Variants in TAS1R2 observed in about 807,000 individuals in gnomAD.
TAS1R2 encodes taste 1 receptor member 2, also known as taste receptor type 1 member 2.
Under a neutral mutation model 49.3 loss-of-function variants are expected in TAS1R2, and 47 were observed. The observed-to-expected ratio is 0.95, with a 90% CI of 0.75 to 1.22. TAS1R2 has a LOEUF of 1.22. Among genes scored for constraint, TAS1R2 ranks in the 50% most tolerant of loss-of-function variants. TAS1R2 has a pLI of 0.00. For synonymous variants in TAS1R2, 479 were observed against 467.9 expected, an observed-to-expected ratio of 1.02 and a Z score of -0.31; for missense variants, 1,155 against 1,122.1, an observed-to-expected ratio of 1.03 and a Z score of -0.42.
chr1:18,853,905 AC>A (rs893171734), intron 3 of TAS1R2, among the ~76,000 whole-genome samples: 1 of 152,186 alleles, frequency 6.6e-6, no homozygotes. Context: ...TAGAGGGTCC[AC>A]GCGAAAACAC....
exon 5 of TAS1R2, chr1:18,841,764 T>A (rs748664232): frequency 1.2e-6 from 2 of 1,613,962 alleles, no homozygotes; most frequent in Non-Finnish European, 1.7e-6. Context: ...GGGAAGGCAG[T>A]CGATGCACTC....
chr1:18,845,156 G>T (rs969682084), intron 4 of TAS1R2, among the ~76,000 whole-genome samples: 20 of 152,166 alleles, frequency 1.3e-4, no homozygotes, highest in African/African-American at 4.3e-4. Flanking sequence ...GCAGGACACT[G>T]TATCACCTCA....
At chr1:18,843,407 A>G (rs193167951) in intron 4 of TAS1R2, among the ~76,000 whole-genome samples, 1 of 152,198 alleles carries the variant, frequency 6.6e-6, no homozygotes, top group Admixed American at 6.5e-5. Flanking sequence ...CCATTCTAAG[A>G]TAATAGACAA....
At chr1:18,844,759 A>AAAG (rs71027402) in intron 4 of TAS1R2, among the ~76,000 whole-genome samples, 2,023 of 149,842 alleles carry the variant, frequency 0.014, 44 homozygotes, top group East Asian at 0.1. Context: ...CTCAGAAAAA[A>AAAG]AAGAAGAAGA....
rs200283995 is a variant in TAS1R2 at position 18,859,587 on chromosome 1, G to T, written c.74C>A (p.Ser25Ter). The T allele has an allele frequency of 3.7e-6, 6 of 1,614,218 alleles. No individual in the cohort carries two copies. The highest frequency in any genetic ancestry group is 2.2e-5 in the East Asian group (1 of 44,882). The change falls in exon 1 of 6, where the codon TCG (serine) becomes TAG (stop). Residue 25 changes from serine (S) to a stop codon, truncating the protein, a stop_gained. Coordinates refer to ENST00000375371, the Ensembl canonical transcript of TAS1R2. LOFTEE classifies it high-confidence loss of function. ...GTAATCCCCAGGCAGGTAGAAGTCCGAGTTCTCAGCCGGCTCAGCCAGGAC... is the reference window on the plus strand; with the variant it reads ...GTAATCCCCAGGCAGGTAGAAGTCCTAGTTCTCAGCCGGCTCAGCCAGGAC...
intron 4 of TAS1R2, among the ~76,000 whole-genome samples, chr1:18,845,362 T>G (rs763768975): frequency 6.6e-6 from 1 of 152,220 alleles, no homozygotes; most frequent in Non-Finnish European, 1.5e-5. Context: ...AGATGAAGTT[T>G]TGAATGAATG....
chr1:18,851,695 T>A (rs541920277), intron 3 of TAS1R2, among the ~76,000 whole-genome samples: 1 of 152,278 alleles, frequency 6.6e-6, no homozygotes, highest in South Asian at 2.1e-4. Flanking sequence ...AACCTCCCAC[T>A]GATCTGACCC....
intron 3 of TAS1R2, among the ~76,000 whole-genome samples, chr1:18,853,063 C>T (rs1242245137): frequency 1.3e-5 from 2 of 152,166 alleles, no homozygotes; most frequent in South Asian, 2.1e-4. Flanking sequence ...TGGGAGGATG[C>T]CCAGAAGGTG....
chr1:18,857,247 T>G (rs1322303303), intron 2 of TAS1R2, 84 bp downstream of exon 2: 1 of 1,427,922 alleles, frequency 7.0e-7, no homozygotes, highest in Non-Finnish European at 9.5e-7. Flanking sequence ...CCATGATTGA[T>G]GGAGGAAGTG....
At chr1:18,841,800 G>A (rs1053095093) in exon 5 of TAS1R2, 3 of 1,613,840 alleles carry the variant, frequency 1.9e-6, no homozygotes, top group Non-Finnish European at 2.5e-6. Flanking sequence ...GATGCCCACA[G>A]GCTTCTTCTT....
chr1:18,858,793 A>T (rs1197150151), intron 1 of TAS1R2, among the ~76,000 whole-genome samples: 1 of 152,186 alleles, frequency 6.6e-6, no homozygotes, highest in Non-Finnish European at 1.5e-5. Flanking sequence ...CCAGCATATA[A>T]TCTTCCCCAG....
At chr1:18,851,772 G>A (rs1934031335) in intron 3 of TAS1R2, among the ~76,000 whole-genome samples, 1 of 152,104 alleles carries the variant, frequency 6.6e-6, no homozygotes, top group Non-Finnish European at 1.5e-5. Flanking sequence ...CATCGCCCCT[G>A]AGTCCTGTCT....
Position 18,846,429 on chromosome 1 carries a change from C to T in TAS1R2, c.1467+2912G>A, listed in dbSNP as rs1294007371. On this transcript the variant is annotated intron_variant, in intron 4 of 5. Transcript: ENST00000375371. Reference sequence around the variant, plus strand: ...CTTTCCCTGTTCCCTGTGGAACTCTCCCCAGTCTCCCACTCCTGTTCCTGT... The same window carrying T: ...CTTTCCCTGTTCCCTGTGGAACTCTTCCCAGTCTCCCACTCCTGTTCCTGT... 2.0e-5 allele frequency among the ~76,000 whole-genome samples: 3 copies of T among 152,200 alleles called. No homozygotes were observed. In the East Asian group the frequency reaches 5.8e-4, roughly 29 times the overall value.
Position 18,854,834 on chromosome 1 carries a change from G to T in TAS1R2, c.636C>A (p.Ser212Arg), listed in dbSNP as rs371978810. 2 of 1,608,328 alleles carry T rather than the reference G, an allele frequency of 1.2e-6. No individual in the cohort carries two copies. Among genetic ancestry groups the T allele is most frequent in the Non-Finnish European group, 1.7e-6 (2 of 1,179,502 alleles). Residue 212 changes from serine to arginine, a missense_variant, in exon 3 of 6, where the codon AGC becomes AGA. Ser to Arg is a moderately radical substitution (Grantham distance 110). Coordinates refer to ENST00000375371, the Ensembl canonical transcript of TAS1R2. This position sits in a 1 kb window ranked among gnomAD's most constrained non-coding sequence, Gnocchi z 4.9. ...GGCCATTGTCGCGGCCATAGGTGTC[G>T]CTGCTCACCAGCACAATGATCCAGT...
intron 5 of TAS1R2, 57 bp downstream of exon 5, chr1:18,841,672 G>A (rs1431464408): frequency 2.5e-6 from 4 of 1,577,194 alleles, no homozygotes; most frequent in African/African-American, 1.4e-5. Context: ...GAGACTCCAG[G>A]GGCAGGGCAG....
intron 4 of TAS1R2, among the ~76,000 whole-genome samples, chr1:18,842,172 C>G (rs184071604): frequency 2.1e-4 from 32 of 152,224 alleles, no homozygotes; most frequent in Non-Finnish European, 4.0e-4. Context: ...TGAACTCCAG[C>G]CCTCTCTAGC....
exon 6 of TAS1R2, chr1:18,839,876 A>G (rs199982397): frequency 4.3e-6 from 7 of 1,614,128 alleles, no homozygotes; most frequent in Middle Eastern, 1.6e-4. Context: ...CTCTTTGCCC[A>G]TGTAGGCGAA....
At chr1:18,841,567 A>G (rs1408705373) in intron 5 of TAS1R2, among the ~76,000 whole-genome samples, 162 bp downstream of exon 5, 1 of 152,032 alleles carries the variant, frequency 6.6e-6, no homozygotes, top group Non-Finnish European at 1.5e-5. Flanking sequence ...AGGTTTTGGG[A>G]GGATACAAGA....
chr1:18,842,501 A>G (rs568693548), intron 4 of TAS1R2, among the ~76,000 whole-genome samples: 82 of 152,362 alleles, frequency 5.4e-4, no homozygotes, highest in African/African-American at 1.7e-3. Flanking sequence ...AAGGACTGAA[A>G]TAATAACAGG....
Sources: gnomAD v4.1 joint callset for allele counts (sites outside exome capture counted in the v4.1 genomes callset) on GRCh38, gnomAD v4.1.1 for gene constraint, Gnocchi (gnomAD v3.1) non-coding constraint, MANE v1.5 for transcripts, NCBI Gene and HGNC (gene_info 2026-07-23, HGNC 2026-07-21) for gene names.